The following OPHN1 variants were observed in gnomAD, a reference collection of about 807,000 sequenced individuals.
OPHN1 encodes the protein oligophrenin-1.
OPHN1 carries 11 observed loss-of-function variants against 60.7 expected under a neutral mutation model. The ratio of observed to expected loss-of-function variants is 0.18; its 90% confidence interval spans 0.11 to 0.30. OPHN1 has a LOEUF of 0.30. OPHN1 is among the 10% of genes least tolerant of loss of function. The pLI, the probability that OPHN1 is intolerant of heterozygous loss-of-function variation, is 1.00. For missense variants in OPHN1, 449 were observed against 611.0 expected (o/e 0.73, Z 2.80); for synonymous variants, 226 against 222.6 (o/e 1.02, Z -0.14).
chrX:68,097,052 A>G (rs1476621707), intron 18 of OPHN1, 23 bp from the exon 19 acceptor site: 1 of 1,192,941 alleles, frequency 8.4e-7, no homozygotes, highest in Non-Finnish European at 1.1e-6. Flanking sequence ...AAGGGGCAAG[A>G]TTAACAAAAT....
intron 2 of OPHN1, among the ~76,000 whole-genome samples, chrX:68,377,818 T>A (rs1026674999): frequency 7.1e-5 from 8 of 111,935 alleles, no homozygotes; most frequent in Non-Finnish European, 1.5e-4. Context: ...ATTTCCTTAA[T>A]CCAGTCTATC....
At chrX:68,239,162 C>T (rs1429748400) in intron 5 of OPHN1, among the ~76,000 whole-genome samples, 1 of 111,478 alleles carries the variant, frequency 9.0e-6, no homozygotes, top group East Asian at 2.8e-4. Flanking sequence ...CTCCTCTGAC[C>T]GCCCTCGGCT....
chrX:68,228,363 A>G (rs752614281), intron 6 of OPHN1, among the ~76,000 whole-genome samples: 1 of 111,559 alleles, frequency 9.0e-6, no homozygotes, highest in African/African-American at 3.3e-5. Flanking sequence ...TTCTGAAACT[A>G]TTCCAATCCA....
At chrX:68,228,208 G>A (rs1162610179) in intron 6 of OPHN1, among the ~76,000 whole-genome samples, 1 of 111,702 alleles carries the variant, frequency 9.0e-6, no homozygotes, top group Non-Finnish European at 1.9e-5. Context: ...ACTAAACCAG[G>A]AAGAAGTTGA....
intron 2 of OPHN1, among the ~76,000 whole-genome samples, chrX:68,370,043 T>TATATATATATATAG (rs1219099359): frequency 1.1e-5 from 1 of 92,605 alleles, no homozygotes; most frequent in Non-Finnish European, 2.0e-5. Flanking sequence ...TATATATATA[T>TATATATATATATAG]AGAACCTGTC....
chrX:68,404,981 GTGATC>G (rs2078734795), intron 2 of OPHN1, among the ~76,000 whole-genome samples: 2 of 111,836 alleles, frequency 1.8e-5, no homozygotes. Flanking sequence ...AAACAAGCTA[GTGATC>G]TGTTGCACAA....
At chrX:68,267,263 A>T (rs1360724452) in intron 5 of OPHN1, among the ~76,000 whole-genome samples, 1 of 111,490 alleles carries the variant, frequency 9.0e-6, no homozygotes, top group Non-Finnish European at 1.9e-5. Context: ...TCCAAAATTG[A>T]CCACATAGTT....
At chrX:68,424,202 A>T (rs747042394) in intron 2 of OPHN1, among the ~76,000 whole-genome samples, 259 of 111,199 alleles carry the variant, frequency 2.3e-3, no homozygotes, top group South Asian at 0.019. Context: ...AAATAAAAAA[A>T]AAATCACACA....
chrX:68,207,721 T>C (rs1352011669), intron 9 of OPHN1, among the ~76,000 whole-genome samples: 2 of 111,777 alleles, frequency 1.8e-5, no homozygotes, highest in Non-Finnish European at 3.8e-5. Flanking sequence ...CCTTTCTAGC[T>C]TTTTCTTTTG....
chrX:68,100,447 T>C (rs1276248975), intron 18 of OPHN1, among the ~76,000 whole-genome samples: 1 of 111,808 alleles, frequency 8.9e-6, no homozygotes, highest in African/African-American at 3.3e-5. Flanking sequence ...GAAATATTTG[T>C]GGATGAAATA....
chrX:68,317,479 AAG>A (rs2078210049), intron 2 of OPHN1, among the ~76,000 whole-genome samples: 2 of 87,040 alleles, frequency 2.3e-5, no homozygotes, highest in African/African-American at 9.6e-5. Context: ...GAGGAGGAGG[AAG>A]GGAGAGAGGG....
intron 2 of OPHN1, among the ~76,000 whole-genome samples, chrX:68,306,990 A>C (rs900637286): frequency 2.7e-5 from 3 of 111,556 alleles, no homozygotes; most frequent in African/African-American, 9.8e-5. Flanking sequence ...ACCCAAAGTG[A>C]TGGGATTACA....
At chrX:68,251,883 C>A (rs1268506681) in intron 5 of OPHN1, among the ~76,000 whole-genome samples, 1 of 111,920 alleles carries the variant, frequency 8.9e-6, no homozygotes, top group East Asian at 2.8e-4. Context: ...CCAAATTTCC[C>A]CCCACCTCTC....
At chrX:68,271,500 T>C (rs891268257) in intron 5 of OPHN1, among the ~76,000 whole-genome samples, 2 of 110,720 alleles carry the variant, frequency 1.8e-5, no homozygotes, top group African/African-American at 6.6e-5. Context: ...ATTCTGCCAC[T>C]GCACCTCAGT....
intron 18 of OPHN1, among the ~76,000 whole-genome samples, chrX:68,099,161 G>T (rs1180416545): frequency 9.0e-6 from 1 of 111,453 alleles, no homozygotes; most frequent in African/African-American, 3.3e-5. Context: ...CTATTCTTTG[G>T]GGAAATTGCT....
chrX:68,297,926 T>C (rs1177918971), intron 3 of OPHN1, among the ~76,000 whole-genome samples: 1 of 111,927 alleles, frequency 8.9e-6, no homozygotes, highest in Non-Finnish European at 1.9e-5. Flanking sequence ...TATAAAAGTA[T>C]GTCCAAGATA....
intron 2 of OPHN1, among the ~76,000 whole-genome samples, chrX:68,306,765 C>A (rs1230264558): frequency 9.0e-6 from 1 of 111,595 alleles, no homozygotes; most frequent in Non-Finnish European, 1.9e-5. Flanking sequence ...TTGTGTCACC[C>A]AGGCTGGAGT....
chrX:68,363,130 C>G (rs1750182625), intron 2 of OPHN1, among the ~76,000 whole-genome samples: 1 of 109,025 alleles, frequency 9.2e-6, no homozygotes. Context: ...TGCCTGTAGT[C>G]CAAGCTAGTC....
At chrX:68,067,574 G>C (rs2076917742) in intron 20 of OPHN1, among the ~76,000 whole-genome samples, 2 of 110,983 alleles carry the variant, frequency 1.8e-5, no homozygotes, top group Non-Finnish European at 3.8e-5. Context: ...ATGAAAAATA[G>C]GCTCGTTCCA....
Sources: gnomAD v4.1 joint callset for allele counts (sites outside exome capture counted in the v4.1 genomes callset) on GRCh38, gnomAD v4.1.1 for gene constraint, MANE v1.5 for transcripts, NCBI Gene and HGNC (gene_info 2026-07-23, HGNC 2026-07-21) for gene names.